PARD3B: variants seen among roughly 807,000 people sequenced by gnomAD.
The protein encoded by PARD3B is partitioning defective 3 homolog B.
Under a neutral mutation model 130.2 loss-of-function variants are expected in PARD3B, and 103 were observed. The ratio of observed to expected loss-of-function variants is 0.79; its 90% CI spans 0.67 to 0.93. The LOEUF is 0.93. Among genes scored for constraint, PARD3B ranks in the 40% least tolerant of loss-of-function variants. The probability of loss-of-function intolerance (pLI) is 0.00; values close to 1 mark genes in which losing one functional copy is unlikely to be tolerated. For missense variants in PARD3B, 1,609 were observed against 1,499.2 expected, an observed-to-expected ratio of 1.07 and a Z score of -1.21; for synonymous variants, 583 against 553.2, an observed-to-expected ratio of 1.05 and a Z score of -0.76.
At chr2:205,026,251 C>G (rs1340126477) in intron 3 of PARD3B, among the ~76,000 whole-genome samples, 4 of 152,088 alleles carry the variant, frequency 2.6e-5, no homozygotes, top group African/African-American at 7.2e-5. Flanking sequence ...TACAAAGGCA[C>G]TAGGGCAGTC....
At chr2:204,549,663 G>A (rs181978834) in intron 1 of PARD3B, among the ~76,000 whole-genome samples, 6 of 152,106 alleles carry the variant, frequency 3.9e-5, no homozygotes, top group Admixed American at 2.0e-4. Context: ...TAATCTTTTC[G>A]TATGGCTGAA....
chr2:205,113,434 T>C, intron 5 of PARD3B, 57 bp from the exon 6 acceptor site: 1 of 1,160,360 alleles, frequency 8.6e-7, no homozygotes, highest in Non-Finnish European at 1.3e-6. Context: ...ATTTTAGATG[T>C]GCTCCCTCTG....
At chr2:204,611,427 C>T (rs748556217) in intron 1 of PARD3B, among the ~76,000 whole-genome samples, 2 of 152,154 alleles carry the variant, frequency 1.3e-5, no homozygotes, top group African/African-American at 2.4e-5. Flanking sequence ...ATCTCGCTTT[C>T]GACTCTAAGG....
chr2:205,113,508 T>C lies in PARD3B; in HGVS notation c.611T>C (p.Val204Ala). The part of the protein sequence containing the change: ...KDTLSDMTRT[V>A]EISGEGGPLG... ...TGCCCCAGTGATATGACAAGAACAG[T>C]GGAGATTTCTGGGGAAGGAGGCCCA... is the stretch of plus-strand genomic sequence containing the variant. The change falls in exon 6 of 23, where the codon GTG becomes GCG. Residue 204 changes from valine (V) to alanine (A), a missense_variant. Val to Ala is a moderately conservative substitution (Grantham distance 64). Coordinates refer to ENST00000406610, the MANE Select transcript of PARD3B (RefSeq NM_001302769.2). 6.2e-7 allele frequency: 1 copy of C among 1,613,108 alleles called. No homozygotes were observed. The highest frequency in any genetic ancestry group is 8.5e-7 in the Non-Finnish European group (1 of 1,179,414).
At chr2:205,184,587 A>G (rs2035984611) in intron 13 of PARD3B, among the ~76,000 whole-genome samples, 1 of 151,922 alleles carries the variant, frequency 6.6e-6, no homozygotes, top group Admixed American at 6.6e-5. Context: ...CTAAAAATAC[A>G]AAAAATTAGC....
At chr2:205,126,504 G>C (rs2031413507) in intron 10 of PARD3B, among the ~76,000 whole-genome samples, 1 of 152,018 alleles carries the variant, frequency 6.6e-6, no homozygotes, top group Non-Finnish European at 1.5e-5. Context: ...CACTTTGGGA[G>C]GCCGAGGCGG....
rs893178094 is a variant in PARD3B, at chr2:205,585,957, T to C, written c.3261-29499T>C. On this transcript the variant is annotated intron_variant, in intron 22 of 22. Coordinates refer to ENST00000406610, the MANE Select transcript of PARD3B (RefSeq NM_001302769.2). This position sits in a 1 kb window ranked among gnomAD's most constrained non-coding sequence, Gnocchi z 5.4. ...TAAACCAACAGTCCAGGCATTGGTT[T>C]CTGAGCTTTCAGAAGGCCAATGTGA... Among the ~76,000 whole-genome samples, 1 of 152,210 alleles carries C rather than the reference T, an allele frequency of 6.6e-6. No individual in the cohort carries two copies. The highest frequency in any genetic ancestry group is 1.5e-5 in the Non-Finnish European group (1 of 68,040).
chr2:204,956,776 G>T (rs954337505), intron 2 of PARD3B, among the ~76,000 whole-genome samples: 7 of 152,230 alleles, frequency 4.6e-5, no homozygotes, highest in Admixed American at 1.3e-4. Context: ...TAAATTATGC[G>T]CAATTCATGG....
intron 1 of PARD3B, among the ~76,000 whole-genome samples, chr2:204,590,809 C>G (rs949207074): frequency 3.3e-5 from 5 of 152,190 alleles, no homozygotes; most frequent in Non-Finnish European, 7.3e-5. Context: ...ATCTGACCTT[C>G]ACTTTTTAGG....
chr2:205,181,283 C>A (rs2035772455), intron 13 of PARD3B, among the ~76,000 whole-genome samples: 1 of 152,176 alleles, frequency 6.6e-6, no homozygotes, highest in Non-Finnish European at 1.5e-5. Flanking sequence ...CATGTATCTA[C>A]CCCTCTATAG....
chr2:205,515,554 G>A (rs1391601673), intron 21 of PARD3B, among the ~76,000 whole-genome samples: 1 of 136,012 alleles, frequency 7.4e-6, no homozygotes, highest in Admixed American at 6.9e-5. Flanking sequence ...GTGTGAGATG[G>A]TATCGCGATA....
intron 1 of PARD3B, among the ~76,000 whole-genome samples, chr2:204,595,644 C>A (rs1055970525): frequency 6.6e-6 from 1 of 152,206 alleles, no homozygotes; most frequent in African/African-American, 2.4e-5. Flanking sequence ...CAATTAAAAA[C>A]AGTCACTTTG....
At chr2:205,602,837 A>C (rs2054842167) in intron 22 of PARD3B, among the ~76,000 whole-genome samples, 2 of 151,694 alleles carry the variant, frequency 1.3e-5, no homozygotes, top group African/African-American at 2.4e-5. Context: ...TTTTTTTTGA[A>C]AGGTTTTTCA....
chr2:204,710,124 G>A (rs2038362930), intron 2 of PARD3B, among the ~76,000 whole-genome samples: 1 of 152,160 alleles, frequency 6.6e-6, no homozygotes, highest in Non-Finnish European at 1.5e-5. Context: ...TGTGAGAAAA[G>A]TGATCAGGTC....
At chr2:204,994,967 T>G (rs1694025413) in intron 3 of PARD3B, among the ~76,000 whole-genome samples, 1 of 151,286 alleles carries the variant, frequency 6.6e-6, no homozygotes, top group Admixed American at 6.6e-5. Context: ...TTTGAGCCTA[T>G]GTGTGTCTCT....
intron 4 of PARD3B, among the ~76,000 whole-genome samples, chr2:205,056,589 A>T (rs1172601212): frequency 1.7e-5 from 2 of 120,796 alleles, no homozygotes; most frequent in African/African-American, 6.0e-5. Flanking sequence ...TAAAACCATT[A>T]AAAAAAAAAA....
At chr2:204,876,141 G>A (rs1267173085) in intron 2 of PARD3B, among the ~76,000 whole-genome samples, 1 of 152,210 alleles carries the variant, frequency 6.6e-6, no homozygotes, top group African/African-American at 2.4e-5. Flanking sequence ...CAGTCAGGGA[G>A]TGGATTATCA....
At chr2:205,603,029 A>G (rs2054852030) in intron 22 of PARD3B, among the ~76,000 whole-genome samples, 1 of 152,138 alleles carries the variant, frequency 6.6e-6, no homozygotes, top group Non-Finnish European at 1.5e-5. Context: ...ACACTGCTTT[A>G]TCTGCATCCC....
chr2:204,694,012 C>T (rs569024520), intron 2 of PARD3B, among the ~76,000 whole-genome samples: 4 of 152,070 alleles, frequency 2.6e-5, no homozygotes, highest in African/African-American at 9.6e-5. Context: ...TTTGAATAAG[C>T]CATTCAACCA....
Sources: gnomAD v4.1 joint callset for allele counts (sites outside exome capture counted in the v4.1 genomes callset) on GRCh38, gnomAD v4.1.1 for gene constraint, Gnocchi (gnomAD v3.1) non-coding constraint, MANE v1.5 for transcripts, NCBI Gene and HGNC (gene_info 2026-07-23, HGNC 2026-07-21) for gene names.